CREBRF: variants seen among roughly 807,000 people sequenced by gnomAD.
CREBRF encodes UPF0474 protein C5orf41.
A neutral mutation model predicts 66.1 loss-of-function variants in CREBRF; 5 were observed. The ratio of observed to expected loss-of-function variants is 0.08; its 90% CI spans 0.04 to 0.16. CREBRF has a LOEUF of 0.16. Among genes scored for constraint, CREBRF ranks in the 10% least tolerant of loss-of-function variants. CREBRF has a pLI of 1.00. For missense variants in CREBRF, 531 were observed against 744.9 expected, an observed-to-expected ratio of 0.71 and a Z score of 3.34; for synonymous variants, 229 against 264.4, an observed-to-expected ratio of 0.87 and a Z score of 1.30.
intron 6 of CREBRF, among the ~76,000 whole-genome samples, chr5:173,111,388 C>A (rs963819406): frequency 2.6e-5 from 4 of 152,062 alleles, no homozygotes; most frequent in Non-Finnish European, 4.4e-5. Context: ...CGCCTCAGCC[C>A]CCTAAGTAGC....
chr5:173,080,291 A>G (rs1318859117), intron 1 of CREBRF, among the ~76,000 whole-genome samples: 1 of 151,678 alleles, frequency 6.6e-6, no homozygotes, highest in Non-Finnish European at 1.5e-5. Flanking sequence ...AATATATTAC[A>G]TCTTTCAGAT....
At chr5:173,086,662 T>G in intron 3 of CREBRF, 36 bp downstream of exon 3, 2 of 1,571,260 alleles carry the variant, frequency 1.3e-6, no homozygotes, top group Non-Finnish European at 1.7e-6. Context: ...TCTTGATTGA[T>G]TTGGGGTAAA....
In CREBRF at chr5:173,099,664, T is replaced by G. The variant is rs115875668; in HGVS notation, c.1222+8263T>G. Reference sequence around the variant, plus strand: ...TCTTCCTCTGTGATTTGCTGGTTTTTTGTAGTGGTATGCTTTGATTCCTTT... The same window carrying G: ...TCTTCCTCTGTGATTTGCTGGTTTTGTGTAGTGGTATGCTTTGATTCCTTT... On this transcript the variant is annotated intron_variant, in intron 4 of 8. Transcript: ENST00000296953. Among the ~76,000 whole-genome samples, 554 of 152,288 alleles carry G rather than the reference T, an allele frequency of 3.6e-3. 1 individual carries two copies. Among genetic ancestry groups the G allele is most frequent in the African/African-American group, 0.013 (534 of 41,568 alleles).
At chr5:173,065,482 G>GT (rs958051323) in intron 1 of CREBRF, among the ~76,000 whole-genome samples, 9 of 152,090 alleles carry the variant, frequency 5.9e-5, no homozygotes, top group South Asian at 2.1e-4. Flanking sequence ...TGGTTGATTG[G>GT]TTTTTTCCCC....
At chr5:173,099,702 T>C (rs1581686813) in intron 4 of CREBRF, among the ~76,000 whole-genome samples, 1 of 152,112 alleles carries the variant, frequency 6.6e-6, no homozygotes, top group East Asian at 1.9e-4. Context: ...CTTTATCTTT[T>C]GTGTTATCTA....
At chr5:173,061,352 T>G (rs963810108) in intron 1 of CREBRF, among the ~76,000 whole-genome samples, 1 of 152,250 alleles carries the variant, frequency 6.6e-6, no homozygotes, top group African/African-American at 2.4e-5. Flanking sequence ...ATTTGCAGAT[T>G]GTACAGTCTC....
intron 3 of CREBRF, among the ~76,000 whole-genome samples, chr5:173,087,733 C>G (rs1758202717): frequency 6.6e-6 from 1 of 152,032 alleles, no homozygotes; most frequent in Non-Finnish European, 1.5e-5. Context: ...TGCCTGTAAT[C>G]CCAGCACTTT....
intron 4 of CREBRF, among the ~76,000 whole-genome samples, chr5:173,103,654 G>A (rs1454734982): frequency 2.0e-5 from 3 of 152,188 alleles, no homozygotes; most frequent in Non-Finnish European, 4.4e-5. Flanking sequence ...GCAAAATGGA[G>A]TTTTAGTCTC....
intron 4 of CREBRF, among the ~76,000 whole-genome samples, chr5:173,100,118 G>GTGTGTGTGTGTA (rs70984939): frequency 4.2e-4 from 37 of 88,376 alleles, no homozygotes; most frequent in Middle Eastern, 9.6e-3. Context: ...GTGTGTGTGT[G>GTGTGTGTGTGTA]TATATATATA....
intron 1 of CREBRF, among the ~76,000 whole-genome samples, chr5:173,074,983 T>C (rs3095842): frequency 0.49 from 73,995 of 152,022 alleles, 19,149 homozygotes; most frequent in Non-Finnish European, 0.58. Flanking sequence ...TGATCAGGTA[T>C]ACAGAGTTTG....
chr5:173,116,068 G>C (rs1055069409), intron 7 of CREBRF, among the ~76,000 whole-genome samples: 1 of 152,226 alleles, frequency 6.6e-6, no homozygotes, highest in African/African-American at 2.4e-5. Flanking sequence ...GGAGGCTGAG[G>C]TGGGAGGATT....
chr5:173,116,595 G>T (rs1279750531), intron 7 of CREBRF, among the ~76,000 whole-genome samples: 2 of 152,108 alleles, frequency 1.3e-5, no homozygotes, highest in African/African-American at 2.4e-5. Flanking sequence ...GTATTCCATT[G>T]TATGGATGTA....
intron 5 of CREBRF, chr5:173,110,249 G>C (rs1758841271): frequency 6.3e-6 from 3 of 479,880 alleles, no homozygotes; most frequent in Non-Finnish European, 1.2e-5. Context: ...TGAAGAATCT[G>C]TCATGCTGGA....
chr5:173,115,899 C>T (rs1248503662), intron 7 of CREBRF, among the ~76,000 whole-genome samples: 2 of 152,194 alleles, frequency 1.3e-5, no homozygotes, highest in South Asian at 2.1e-4. Flanking sequence ...CATGAGCCAC[C>T]GCGCCCGGCC....
chr5:173,076,526 G>A (rs1581666478), intron 1 of CREBRF, among the ~76,000 whole-genome samples: 3 of 152,102 alleles, frequency 2.0e-5, no homozygotes, highest in Non-Finnish European at 4.4e-5. Context: ...CAAGATGGGT[G>A]GATCACCTGA....
chr5:173,069,546 T>G (rs1212014288), intron 1 of CREBRF, among the ~76,000 whole-genome samples: 1 of 152,106 alleles, frequency 6.6e-6, no homozygotes, highest in East Asian at 1.9e-4. Flanking sequence ...GGTCTCGAAC[T>G]CCTGGCCTCA....
intron 1 of CREBRF, among the ~76,000 whole-genome samples, chr5:173,059,034 G>C (rs1757176086): frequency 2.0e-5 from 3 of 151,522 alleles, no homozygotes; most frequent in Non-Finnish European, 4.4e-5. Context: ...TCTGGCTTTA[G>C]GTGATCCACC....
chr5:173,098,066 G>T (rs112660797), intron 4 of CREBRF, among the ~76,000 whole-genome samples: 9,158 of 150,086 alleles, frequency 0.061, 562 homozygotes, highest in Non-Finnish European at 0.073. Context: ...TTGATATGTT[G>T]TGTTTCCATT....
intron 1 of CREBRF, among the ~76,000 whole-genome samples, chr5:173,071,369 G>A (rs1412511766): frequency 2.0e-5 from 3 of 151,842 alleles, no homozygotes; most frequent in South Asian, 4.2e-4. Flanking sequence ...GAGCCACCAC[G>A]CCCAGCTAAT....
Sources: allele counts gnomAD v4.1 joint callset (sites outside exome capture counted in the v4.1 genomes callset), GRCh38; gene constraint gnomAD v4.1.1; transcripts MANE v1.5; gene names NCBI Gene and HGNC (gene_info 2026-07-23, HGNC 2026-07-21).